Variants in ATF7IP observed in about 807,000 individuals in gnomAD.
The protein encoded by ATF7IP is activating transcription factor 7-interacting protein 1.
Under a neutral mutation model 106.4 loss-of-function variants are expected in ATF7IP, and 23 were observed. The observed-to-expected ratio is 0.22, with a 90% CI of 0.16 to 0.31. The LOEUF (loss-of-function observed/expected upper bound fraction) is 0.31, where lower values mean the gene tolerates loss of function less well. Ranked by LOEUF, ATF7IP falls within the 10% of genes least tolerant of loss-of-function variation. The pLI, the probability that ATF7IP is intolerant of heterozygous loss-of-function variation, is 1.00. For synonymous variants in ATF7IP, 542 were observed against 539.0 expected, an observed-to-expected ratio of 1.01 and a Z score of -0.08; for missense variants, 1,334 against 1,524.3, an observed-to-expected ratio of 0.88 and a Z score of 2.08.
rs1945084371 is a variant in ATF7IP at position 14,498,763 on chromosome 12, A to G, written c.*690A>G. 1.3e-5 allele frequency: 2 copies of G among 152,610 alleles called. No individual in the cohort carries two copies. The highest frequency in any genetic ancestry group is 4.8e-5 in the African/African-American group (2 of 41,428). The allele number at this position is 152,610 out of a possible 1,614,324, so 9.5% of individuals were successfully genotyped here. On this transcript the variant is annotated 3_prime_UTR_variant, in exon 15 of 15. Coordinates refer to ENST00000261168, the MANE Select transcript of ATF7IP (RefSeq NM_018179.5). ...AAAATAAATAAATAAATATGGCCAT[A>G]TGTCCGTTGTTGCTTAGTCTTCCCT...
At chr12:14,380,390 T>G (rs1034734194) in intron 1 of ATF7IP, among the ~76,000 whole-genome samples, 23 of 152,216 alleles carry the variant, frequency 1.5e-4, no homozygotes, top group African/African-American at 5.5e-4. Flanking sequence ...ATTCGACAGT[T>G]TGAAACTTCC....
intron 2 of ATF7IP, among the ~76,000 whole-genome samples, chr12:14,432,187 C>G (rs1222469479): frequency 6.6e-6 from 1 of 152,264 alleles, no homozygotes; most frequent in East Asian, 1.9e-4. Flanking sequence ...TGGAGTCACT[C>G]TAATTGGAGC....
chr12:14,369,546 C>A (rs959510658), intron 1 of ATF7IP, among the ~76,000 whole-genome samples: 2 of 152,140 alleles, frequency 1.3e-5, no homozygotes, highest in African/African-American at 4.8e-5. Context: ...CCGTGTTGGC[C>A]AGGCTCGTCT....
chr12:14,427,213 T>C (rs7299533), intron 2 of ATF7IP, among the ~76,000 whole-genome samples: 7,735 of 151,710 alleles, frequency 0.051, 673 homozygotes, highest in African/African-American at 0.18. Flanking sequence ...GCTTCCACTT[T>C]ACTGGCTTAG....
At chr12:14,454,294 G>A (rs755603409) in intron 6 of ATF7IP, among the ~76,000 whole-genome samples, 44 of 152,146 alleles carry the variant, frequency 2.9e-4, no homozygotes, top group Non-Finnish European at 4.9e-4. Flanking sequence ...CTGGTACTTT[G>A]GCAAGCTGTT....
chr12:14,376,754 G>A (rs1938752566), intron 1 of ATF7IP, among the ~76,000 whole-genome samples: 1 of 152,124 alleles, frequency 6.6e-6, no homozygotes, highest in Admixed American at 6.5e-5. Context: ...CTGTGGAAGA[G>A]ATACTAAATT....
At chr12:14,486,274 C>T (rs1358525973) in intron 13 of ATF7IP, among the ~76,000 whole-genome samples, 1 of 152,164 alleles carries the variant, frequency 6.6e-6, no homozygotes, top group Non-Finnish European at 1.5e-5. Flanking sequence ...TTTGGGTCTC[C>T]TGGGATCAAT....
At chr12:14,379,656 C>T (rs1277053547) in intron 1 of ATF7IP, among the ~76,000 whole-genome samples, 1 of 152,112 alleles carries the variant, frequency 6.6e-6, no homozygotes, top group Non-Finnish European at 1.5e-5. Context: ...AAAGGTCATT[C>T]TATGTTTTCA....
At chr12:14,427,747 C>T (rs1941929820) in intron 2 of ATF7IP, among the ~76,000 whole-genome samples, 1 of 151,926 alleles carries the variant, frequency 6.6e-6, no homozygotes. Flanking sequence ...TCTTTCACAC[C>T]CCATAATTAG....
intron 13 of ATF7IP, among the ~76,000 whole-genome samples, chr12:14,491,690 C>T (rs1944831021): frequency 6.6e-6 from 1 of 152,220 alleles, no homozygotes; most frequent in Non-Finnish European, 1.5e-5. Flanking sequence ...AGGCAAATTG[C>T]TTCTGGTGGG....
chr12:14,396,475 C>T (rs898490010), intron 1 of ATF7IP, among the ~76,000 whole-genome samples: 2 of 151,394 alleles, frequency 1.3e-5, no homozygotes, highest in Admixed American at 6.6e-5. Flanking sequence ...AGTATAGAAA[C>T]GTAACTTTTT....
chr12:14,375,838 A>G (rs997031815), intron 1 of ATF7IP, among the ~76,000 whole-genome samples: 16 of 152,238 alleles, frequency 1.1e-4, no homozygotes, highest in Admixed American at 1.3e-4. Context: ...TTAAGAAGCA[A>G]CTATGTGCAG....
intron 1 of ATF7IP, among the ~76,000 whole-genome samples, chr12:14,381,401 A>G (rs1180996181): frequency 6.6e-6 from 1 of 151,350 alleles, no homozygotes; most frequent in Non-Finnish European, 1.5e-5. Flanking sequence ...TGGCTGATTT[A>G]TGTATTTTTA....
At chr12:14,376,428 C>T (rs1433700050) in intron 1 of ATF7IP, among the ~76,000 whole-genome samples, 1 of 152,194 alleles carries the variant, frequency 6.6e-6, no homozygotes, top group Non-Finnish European at 1.5e-5. Context: ...ATTTGATTCA[C>T]ATAGGTCTAA....
At chr12:14,366,705 A>C (rs1938309926) in intron 1 of ATF7IP, among the ~76,000 whole-genome samples, 1 of 152,096 alleles carries the variant, frequency 6.6e-6, no homozygotes. Context: ...TAATCAACTC[A>C]TTTTCTTAGC....
intron 6 of ATF7IP, among the ~76,000 whole-genome samples, chr12:14,454,404 T>C (rs774157117): frequency 2.0e-5 from 3 of 152,192 alleles, no homozygotes; most frequent in Non-Finnish European, 4.4e-5. Context: ...CTCACAGGCA[T>C]CCGAAGTGCC....
At chr12:14,472,646 C>T (rs1405582831) in intron 10 of ATF7IP, among the ~76,000 whole-genome samples, 2 of 152,122 alleles carry the variant, frequency 1.3e-5, no homozygotes, top group Admixed American at 6.6e-5. Flanking sequence ...ACATTAGTTT[C>T]TCTTGGTTTC....
chr12:14,381,216 T>C (rs1432233407), intron 1 of ATF7IP, among the ~76,000 whole-genome samples: 2 of 152,152 alleles, frequency 1.3e-5, no homozygotes, highest in Non-Finnish European at 2.9e-5. Context: ...ATTGCTACAT[T>C]AGTTACAACT....
chr12:14,409,918 A>G (rs1270446776), intron 1 of ATF7IP, among the ~76,000 whole-genome samples: 1 of 152,128 alleles, frequency 6.6e-6, no homozygotes, highest in African/African-American at 2.4e-5. Flanking sequence ...TAAAATATCT[A>G]GTTTATTGAG....
Sources: gnomAD v4.1 joint callset for allele counts (sites outside exome capture counted in the v4.1 genomes callset) on GRCh38, gnomAD v4.1.1 for gene constraint, MANE v1.5 for transcripts, NCBI Gene and HGNC (gene_info 2026-07-23, HGNC 2026-07-21) for gene names.